MYH14: variants seen among roughly 807,000 people sequenced by gnomAD.
MYH14 encodes myosin heavy chain 14, also known as myosin-14.
Under a neutral mutation model 255.5 loss-of-function variants are expected in MYH14, and 123 were observed. That is an observed-to-expected ratio of 0.48 (90% CI 0.42 to 0.56). The LOEUF is 0.56. Among genes scored for constraint, MYH14 ranks in the 20% least tolerant of loss-of-function variants. The pLI is 0.00. For missense variants in MYH14, 2,423 were observed against 2,802.3 expected, an observed-to-expected ratio of 0.86 and a Z score of 3.06; for synonymous variants, 1,095 against 1,161.2, an observed-to-expected ratio of 0.94 and a Z score of 1.16.
intron 22 of MYH14, among the ~76,000 whole-genome samples, chr19:50,264,705 C>A (rs1017879658): frequency 2.0e-5 from 3 of 152,212 alleles, no homozygotes; most frequent in African/African-American, 4.8e-5. Flanking sequence ...CTTGGCCAGC[C>A]TGGTCTCTCT....
Position 50,309,712 on chromosome 19 carries a change from CGAG to C in MYH14, c.6038_6040del (p.Glu2013del), listed in dbSNP as rs867351302. Reference sequence around the variant, plus strand: ...GACTAGAGGAGGGCGTGGCATCCGACGAGGAGGCAGAGGAAGCACAGCCTGGGT... The same window carrying C: ...GACTAGAGGAGGGCGTGGCATCCGACGAGGCAGAGGAAGCACAGCCTGGGT... On this transcript the variant is annotated inframe_deletion, in exon 43 of 43. Coordinates refer to ENST00000642316, the MANE Select transcript of MYH14 (RefSeq NM_001145809.2). 4 of 1,605,178 alleles carry C rather than the reference CGAG, an allele frequency of 2.5e-6. No homozygotes were observed. The highest frequency in any genetic ancestry group is 3.4e-6 in the Non-Finnish European group (4 of 1,176,268).
chr19:50,309,604 A>G, intron 42 of MYH14, 36 bp from the exon 43 acceptor site: 1 of 1,226,714 alleles, frequency 8.2e-7, no homozygotes, highest in South Asian at 1.6e-5. Flanking sequence ...CCCTCCCCTC[A>G]TTTCATCTCT....
At chr19:50,303,096 T>C (rs546023814) in intron 40 of MYH14, among the ~76,000 whole-genome samples, 1 of 152,310 alleles carries the variant, frequency 6.6e-6, no homozygotes, top group South Asian at 2.1e-4. Context: ...ACTCTGAAAC[T>C]TAGTGGCTTA....
rs1209985827 is a variant in MYH14 at position 50,209,783 on chromosome 19, C to CAAAAAAA, written c.-3-570_-3-564dup. On this transcript the variant is annotated intron_variant, in intron 1 of 42. Coordinates refer to ENST00000642316, the MANE Select transcript of MYH14 (RefSeq NM_001145809.2). Reference sequence around the variant, plus strand: ...TGGGCGACACAGTGAGACTCCATCTCAAAAAAAAAAAAAAAAGAAAATAAT... The same window carrying CAAAAAAA: ...TGGGCGACACAGTGAGACTCCATCTCAAAAAAAAAAAAAAAAAAAAAAAGAAAATAAT... Among the ~76,000 whole-genome samples the CAAAAAAA allele has an allele frequency of 1.1e-3, 74 of 65,658 alleles. 1 individual carries two copies. Among genetic ancestry groups the CAAAAAAA allele is most frequent in the African/African-American group, 3.9e-3 (71 of 18,408 alleles). 43.1% of individuals were successfully genotyped at this position (65,658 alleles called of 152,430 possible). A position where few individuals can be genotyped will look rare whatever the true frequency, so the allele number is the denominator to read the frequency against.
At position 50,276,891 on chromosome 19, in the gene MYH14, A is replaced by C; in HGVS notation, c.3815A>C (p.Gln1272Pro). ...ALGELAEQLE[Q>P]ARRGKGAWEK... ...GGGGAGCTGGCGGAGCAGCTGGAGC[A>C]GGCCCGGAGGGTGGGTTGGGGCAGG... is the stretch of plus-strand genomic sequence containing the variant. Residue 1272 changes from glutamine (Q) to proline (P), a missense_variant, in exon 29 of 43, where the codon CAG (glutamine) becomes CCG (proline). Gln to Pro is a moderately conservative substitution (Grantham distance 76, BLOSUM62 -1). Around this residue, in one of 3 missense-constraint regions of MYH14, gnomAD observed 1,513 missense variants for 1,674.8 expected, o/e 0.90. Transcript: ENST00000642316. The surrounding 1 kb of genome is among the most constrained non-coding windows in gnomAD (Gnocchi z 4.3). The C allele has an allele frequency of 7.7e-7, 1 of 1,303,250 alleles. No homozygotes were observed. Among genetic ancestry groups the C allele is most frequent in the Non-Finnish European group, 1.0e-6 (1 of 975,624 alleles). 80.7% of individuals were successfully genotyped at this position (1,303,250 alleles called of 1,614,324 possible).
intron 10 of MYH14, among the ~76,000 whole-genome samples, chr19:50,241,528 C>T (rs1317444369): frequency 1.3e-5 from 2 of 152,142 alleles, no homozygotes; most frequent in Non-Finnish European, 2.9e-5. Flanking sequence ...GCTCTGCTGT[C>T]AGGGGAGAGT....
intron 27 of MYH14, among the ~76,000 whole-genome samples, chr19:50,275,392 T>A (rs1269247677): frequency 6.6e-6 from 1 of 152,242 alleles, no homozygotes; most frequent in Non-Finnish European, 1.5e-5. Flanking sequence ...TTCTCCACGC[T>A]AGACCTCAGT....
rs373544204 is a variant in MYH14 at position 50,271,467 on chromosome 19, A to G, written c.3092A>G (p.Lys1031Arg). Residue 1031 changes from lysine to arginine, a missense_variant, in exon 25 of 43, where the codon AAG becomes AGG. By Grantham distance (26) the Lys-to-Arg change is conservative (BLOSUM62 2). Coordinates refer to ENST00000642316, the MANE Select transcript of MYH14 (RefSeq NM_001145809.2). Reference protein sequence around the residue: ...EGARQKLQLEKVTTEAKMKKF... With the variant: ...EGARQKLQLERVTTEAKMKKF... ...GCGCGGCAGAAGCTGCAGCTGGAGAAGGTGACGACAGAGGCAAAAATGAAG... is the reference window on the plus strand; with the variant it reads ...GCGCGGCAGAAGCTGCAGCTGGAGAGGGTGACGACAGAGGCAAAAATGAAG... 6.2e-7 allele frequency: 1 copy of G among 1,608,288 alleles called. No homozygotes were observed. The highest frequency in any genetic ancestry group is 8.5e-7 in the Non-Finnish European group (1 of 1,177,438).
intron 1 of MYH14, among the ~76,000 whole-genome samples, chr19:50,210,125 A>C (rs1402381091): frequency 6.8e-6 from 1 of 148,114 alleles, no homozygotes; most frequent in Non-Finnish European, 1.5e-5. Context: ...AAAAAAAAAA[A>C]AAAGAACTGA....
chr19:50,211,990 A>G (rs752585534), intron 2 of MYH14, among the ~76,000 whole-genome samples: 1 of 152,142 alleles, frequency 6.6e-6, no homozygotes, highest in Admixed American at 6.6e-5. Flanking sequence ...CCTGTCTCAA[A>G]CAAAACGAAA....
chr19:50,238,266 G>A (rs764155569), intron 10 of MYH14, among the ~76,000 whole-genome samples: 2 of 152,134 alleles, frequency 1.3e-5, no homozygotes, highest in African/African-American at 4.8e-5. Flanking sequence ...CATCAGATGC[G>A]CCCTGGGGCC....
At chr19:50,212,447 G>A (rs776823452) in intron 2 of MYH14, among the ~76,000 whole-genome samples, 11 of 152,182 alleles carry the variant, frequency 7.2e-5, no homozygotes, top group East Asian at 5.8e-4. Flanking sequence ...TAAGTGTGGC[G>A]TGTGAGTTAT....
rs1005987827 is a variant in MYH14 at position 50,271,943 on chromosome 19, A to G, written c.3266A>G (p.Lys1089Arg). Reference sequence around the variant, plus strand: ...AAGAGCCTCAATAAGCTACGGCTCAAATATGAGGCCACAATCGCAGACATG... The same window carrying G: ...AAGAGCCTCAATAAGCTACGGCTCAGATATGAGGCCACAATCGCAGACATG... ...KVKSLNKLRL[K>R]YEATIADMED... The change falls in exon 26 of 43, where the codon AAA becomes AGA. Residue 1089 changes from lysine to arginine, a missense_variant. This residue lies in a region of MYH14 where 1,513 missense variants were observed against 1,674.8 expected (regional missense o/e 0.90). Transcript: ENST00000642316. 1.2e-6 allele frequency: 2 copies of G among 1,611,534 alleles called. No homozygotes were observed. The highest frequency in any genetic ancestry group is 1.7e-6 in the Non-Finnish European group (2 of 1,178,974).
chr19:50,284,157 T>C (rs2035814914), intron 33 of MYH14, among the ~76,000 whole-genome samples: 1 of 152,162 alleles, frequency 6.6e-6, no homozygotes, highest in South Asian at 2.1e-4. Flanking sequence ...CTTTATCAGA[T>C]ATATGCTTTG....
chr19:50,249,917 C>A, intron 14 of MYH14, 94 bp downstream of exon 14: 1 of 1,468,388 alleles, frequency 6.8e-7, no homozygotes. Flanking sequence ...CTCTGCTGGG[C>A]CTCAGGATGC....
intron 2 of MYH14, among the ~76,000 whole-genome samples, chr19:50,211,405 T>G (rs2032189000): frequency 6.6e-6 from 1 of 152,108 alleles, no homozygotes; most frequent in South Asian, 2.1e-4. Context: ...TCATTCAATC[T>G]CACCATAGGA....
intron 30 of MYH14, among the ~76,000 whole-genome samples, chr19:50,279,471 T>C (rs1178611503): frequency 6.6e-6 from 1 of 151,912 alleles, no homozygotes; most frequent in Non-Finnish European, 1.5e-5. Flanking sequence ...TCGTCTCTAC[T>C]AAAAATACAA....
chr19:50,239,557 C>G (rs1224718957), intron 10 of MYH14, among the ~76,000 whole-genome samples: 1 of 151,708 alleles, frequency 6.6e-6, no homozygotes, highest in Non-Finnish European at 1.5e-5. Flanking sequence ...TTTTCTTTTT[C>G]TTCTTTTTTT....
rs758725143 is a variant in MYH14, at chr19:50,286,608, G to A, written c.4666G>A (p.Ala1556Thr). The A allele has an allele frequency of 4.6e-5, 74 of 1,603,872 alleles. 1 individual carries two copies. The highest frequency in any genetic ancestry group is 4.3e-4 in the Admixed American group (25 of 57,980). Residue 1556 changes from alanine to threonine, a missense_variant, in exon 34 of 43, where the codon GCA becomes ACA. This residue lies in a region of MYH14 where 1,513 missense variants were observed against 1,674.8 expected (regional missense o/e 0.90). Coordinates refer to ENST00000642316, the MANE Select transcript of MYH14 (RefSeq NM_001145809.2). ...ACGGGCACTGGAGGAGGAGCAGGAG[G>A]CACGTGAGGAGCTGGAGCGGCAGAA... ...LTRALEEEQE[A>T]REELERQNRA... is the part of the protein sequence containing the mutation.
Sources: gnomAD v4.1 joint callset for allele counts (sites outside exome capture counted in the v4.1 genomes callset) on GRCh38, gnomAD v4.1.1 for gene constraint, gnomAD v4.1.1 regional missense constraint, Gnocchi (gnomAD v3.1) non-coding constraint, MANE v1.5 for transcripts, NCBI Gene and HGNC (gene_info 2026-07-23, HGNC 2026-07-21) for gene names.